The following USP48 variants were observed in gnomAD, a reference collection of about 807,000 sequenced individuals.
USP48 encodes ubiquitin specific peptidase 48.
A neutral mutation model predicts 150.7 loss-of-function variants in USP48; 43 were observed. The observed-to-expected ratio is 0.29, with a 90% CI of 0.22 to 0.37. The LOEUF is 0.37. Among genes scored for constraint, USP48 ranks in the 10% least tolerant of loss-of-function variants. The probability of loss-of-function intolerance (pLI) is 1.00; values close to 1 mark genes in which losing one functional copy is unlikely to be tolerated. For missense variants in USP48, 813 were observed against 1,249.6 expected (o/e 0.65, Z 5.27); for synonymous variants, 396 against 425.9 (o/e 0.93, Z 0.86).
chr1:21,697,535 C>A (rs1434196160), intron 22 of USP48, among the ~76,000 whole-genome samples: 1 of 151,614 alleles, frequency 6.6e-6, no homozygotes, highest in South Asian at 2.1e-4. Context: ...TGGTGGTGGG[C>A]GCCTGTAGTC....
intron 9 of USP48, among the ~76,000 whole-genome samples, chr1:21,734,089 C>A (rs1279600406): frequency 1.3e-5 from 2 of 152,172 alleles, no homozygotes; most frequent in Admixed American, 1.3e-4. Flanking sequence ...TCTATAAACA[C>A]AGAAATGTTA....
chr1:21,744,694 T>C (rs1044349338), intron 8 of USP48, among the ~76,000 whole-genome samples: 2 of 144,874 alleles, frequency 1.4e-5, no homozygotes, highest in African/African-American at 5.1e-5. Flanking sequence ...GGAGAATTGC[T>C]TGAACCCAGG....
At chr1:21,761,379 C>T (rs1042443459) in intron 1 of USP48, among the ~76,000 whole-genome samples, 1 of 151,602 alleles carries the variant, frequency 6.6e-6, no homozygotes, top group African/African-American at 2.4e-5. Context: ...AAGTAATCCT[C>T]CAGCCTCAGC....
intron 23 of USP48, among the ~76,000 whole-genome samples, chr1:21,694,619 T>A (rs1457522706): frequency 9.1e-6 from 1 of 109,682 alleles, no homozygotes; most frequent in Non-Finnish European, 1.7e-5. Flanking sequence ...CCCCTCTATC[T>A]ATCAAATAGA....
chr1:21,770,861 G>A (rs529769540), intron 1 of USP48, among the ~76,000 whole-genome samples: 2 of 151,820 alleles, frequency 1.3e-5, no homozygotes, highest in African/African-American at 2.4e-5. Flanking sequence ...AGTGGCTCAC[G>A]CCTGTAATCC....
In USP48 at chr1:21,679,016, T is replaced by A; in HGVS notation, c.*401A>T. Reference sequence around the variant, plus strand: ...TCGTTCAGAGCAGAATGTTGTCCCATCTACTTGATACAATCCTTTATGGAC... The same window carrying A: ...TCGTTCAGAGCAGAATGTTGTCCCAACTACTTGATACAATCCTTTATGGAC... On this transcript the variant is annotated 3_prime_UTR_variant, in exon 27 of 27. Coordinates refer to ENST00000308271, the MANE Select transcript of USP48 (RefSeq NM_032236.8). The A allele has an allele frequency of 3.6e-6, 1 of 279,272 alleles. No individual in the cohort carries two copies. The highest frequency in any genetic ancestry group is 6.8e-6 in the Non-Finnish European group (1 of 147,058). The allele number at this position is 279,272 out of a possible 1,614,324, so 17.3% of individuals were successfully genotyped here. A position where few individuals can be genotyped will look rare whatever the true frequency, so the allele number is the denominator to read the frequency against.
At position 21,679,973 on chromosome 1, in the gene USP48, C is replaced by T. The variant is rs941794741; in HGVS notation, c.3086-534G>A. Among the ~76,000 whole-genome samples the T allele has an allele frequency of 1.8e-4, 28 of 152,204 alleles. 1 individual carries two copies. Among genetic ancestry groups the T allele is most frequent in the Non-Finnish European group, 5.9e-5 (4 of 68,032 alleles). On this transcript the variant is annotated intron_variant, in intron 26 of 26. Transcript: ENST00000308271. ...CCTCCAAAAGTGCTGGGATTACAGGCGTGAGCCACCATGCCCGGCCAATGA... is the reference window on the plus strand; with the variant it reads ...CCTCCAAAAGTGCTGGGATTACAGGTGTGAGCCACCATGCCCGGCCAATGA...
At chr1:21,766,677 T>TA (rs1187102913) in intron 1 of USP48, among the ~76,000 whole-genome samples, 1 of 152,132 alleles carries the variant, frequency 6.6e-6, no homozygotes, top group Non-Finnish European at 1.5e-5. Context: ...CATCACCTCT[T>TA]AGTTTCTTAG....
At position 21,679,333 on chromosome 1, in the gene USP48, A is replaced by G. The variant is rs773166264; in HGVS notation, c.*84T>C. On this transcript the variant is annotated 3_prime_UTR_variant, in exon 27 of 27. Transcript: ENST00000308271. ...GGGGCATGTAATGGTTTAATTCTTAAATCCACCTTTGCTTTAATGCCCTAA... is the reference window on the plus strand; with the variant it reads ...GGGGCATGTAATGGTTTAATTCTTAGATCCACCTTTGCTTTAATGCCCTAA... The G allele has an allele frequency of 7.0e-6, 11 of 1,563,890 alleles. No individual in the cohort carries two copies. The highest frequency in any genetic ancestry group is 1.7e-5 in the Admixed American group (1 of 59,856).
At chr1:21,777,888 G>A (rs2097903628) in intron 1 of USP48, among the ~76,000 whole-genome samples, 1 of 151,834 alleles carries the variant, frequency 6.6e-6, no homozygotes, top group Admixed American at 6.6e-5. Flanking sequence ...AGCACTTTGG[G>A]AGGCTGAGGT....
intron 19 of USP48, among the ~76,000 whole-genome samples, 152 bp downstream of exon 19, chr1:21,705,572 TCTC>T (rs1163186844): frequency 6.6e-6 from 1 of 151,996 alleles, no homozygotes; most frequent in Non-Finnish European, 1.5e-5. Flanking sequence ...GCAGTCTTCT[TCTC>T]TTTTAAAAGG....
chr1:21,736,064 G>T (rs890060668), intron 9 of USP48, among the ~76,000 whole-genome samples: 1 of 151,988 alleles, frequency 6.6e-6, no homozygotes, highest in Non-Finnish European at 1.5e-5. Flanking sequence ...GACAGAGTAA[G>T]ACTCTCTCTT....
In USP48 at chr1:21,695,646, C is replaced by T. The variant is rs552710043; in HGVS notation, c.2728-425G>A. ...ATCATTTGAGCCCAGTGGTTCCAGG[C>T]TGCAGTGAGCTACAATCGCACCACT... On this transcript the variant is annotated intron_variant, in intron 22 of 26. Transcript: ENST00000308271. 2.0e-4 allele frequency among the ~76,000 whole-genome samples: 30 copies of T among 152,232 alleles called. No homozygotes were observed. In the Middle Eastern group the frequency reaches 0.014, roughly 69 times the overall value.
At chr1:21,696,476 G>A (rs1018983802) in intron 22 of USP48, among the ~76,000 whole-genome samples, 4 of 152,286 alleles carry the variant, frequency 2.6e-5, no homozygotes, top group Admixed American at 6.5e-5. Flanking sequence ...CGGGTGCGGA[G>A]ACAGAGTAAC....
intron 25 of USP48, among the ~76,000 whole-genome samples, chr1:21,682,672 C>A (rs829403): frequency 0.7 from 106,911 of 151,796 alleles, 38,238 homozygotes; most frequent in Admixed American, 0.81. Context: ...GTCACGAGTT[C>A]CAGAGCAGCC....
intron 8 of USP48, among the ~76,000 whole-genome samples, chr1:21,743,858 G>C (rs994284135): frequency 6.6e-6 from 1 of 152,104 alleles, no homozygotes; most frequent in African/African-American, 2.4e-5. Flanking sequence ...AAAATATGCT[G>C]AGATACATGA....
chr1:21,730,399 A>G (rs577318831), intron 9 of USP48, among the ~76,000 whole-genome samples: 33 of 151,412 alleles, frequency 2.2e-4, no homozygotes, highest in Non-Finnish European at 3.4e-4. Flanking sequence ...CCGAGATCAC[A>G]CTCCAGCCTG....
At chr1:21,722,593 C>T (rs2097724520) in intron 12 of USP48, among the ~76,000 whole-genome samples, 1 of 151,662 alleles carries the variant, frequency 6.6e-6, no homozygotes, top group Admixed American at 6.6e-5. Context: ...TCTTGTAATC[C>T]CAGCACTTTG....
rs776996418 is a variant in USP48, at chr1:21,753,097, A to G, written c.435T>C (p.Cys145=). Residue 145 remains cysteine (C), a synonymous_variant, in exon 4 of 27, where the codon TGT becomes TGC. Transcript: ENST00000308271. ...AGGCAAACAAGTACTGGAGATGCTC[A>G]CAAATTGTTTGAGGCTCATAATCTA... The part of the protein sequence containing the change: ...EEKDYEPQTI[C]EHLQYLFALL... The G allele has an allele frequency of 6.2e-7, 1 of 1,609,104 alleles. No individual in the cohort carries two copies. Among genetic ancestry groups the G allele is most frequent in the Admixed American group, 1.7e-5 (1 of 58,540 alleles).
Sources: allele counts gnomAD v4.1 joint callset (sites outside exome capture counted in the v4.1 genomes callset), GRCh38; gene constraint gnomAD v4.1.1; transcripts MANE v1.5; gene names NCBI Gene and HGNC (gene_info 2026-07-23, HGNC 2026-07-21).